SMCHD1: variants seen among roughly 807,000 people sequenced by gnomAD.
SMCHD1 encodes the protein structural maintenance of chromosomes flexible hinge domain containing 1.
In SMCHD1, 78 loss-of-function variants were observed where a neutral mutation model predicts 254.7. That is an observed-to-expected ratio of 0.31 (90% CI 0.26 to 0.37). SMCHD1 has a LOEUF of 0.37. SMCHD1 is among the 10% of genes least tolerant of loss of function. SMCHD1 has a pLI of 1.00. For missense variants in SMCHD1, 1,840 were observed against 2,408.1 expected (o/e 0.76, Z 4.94); for synonymous variants, 766 against 794.9 (o/e 0.96, Z 0.61).
At chr18:2,767,584 CTTTTTTT>C in intron 37 of SMCHD1, among the ~76,000 whole-genome samples, 1 of 89,248 alleles carries the variant, frequency 1.1e-5, no homozygotes, top group South Asian at 4.1e-4. Flanking sequence ...AACCTATTTC[CTTTTTTT>C]TTTTTTTTTT....
At chr18:2,781,441 G>A (rs1217075762) in intron 44 of SMCHD1, among the ~76,000 whole-genome samples, 1 of 152,120 alleles carries the variant, frequency 6.6e-6, no homozygotes, top group African/African-American at 2.4e-5. Flanking sequence ...ATACCTGATT[G>A]AAGCAAATAA....
At chr18:2,761,210 T>C (rs542856756) in intron 35 of SMCHD1, among the ~76,000 whole-genome samples, 18 of 152,210 alleles carry the variant, frequency 1.2e-4, no homozygotes, top group African/African-American at 4.1e-4. Context: ...GAGCTAAACA[T>C]TGGGTACACA....
At chr18:2,708,857 T>C (rs2074583057) in intron 17 of SMCHD1, among the ~76,000 whole-genome samples, 1 of 108,650 alleles carries the variant, frequency 9.2e-6, no homozygotes, top group Admixed American at 1.1e-4. Flanking sequence ...GCTTCTATTT[T>C]CAATAACTTC....
chr18:2,722,527 C>T lies in SMCHD1; in HGVS notation c.2467C>T (p.Pro823Ser). The change falls in exon 20 of 48, where the codon CCA (proline) becomes TCA (serine). Residue 823 changes from proline to serine, a missense_variant. By Grantham distance (74) the Pro-to-Ser change is moderately conservative (BLOSUM62 -1). Transcript: ENST00000320876. ...TTTTGTTTTTGTTAAAGAGGGTAAG[C>T]CAGAGAAATTTTCATTTGGTCTTCT... ...AIKFSVKEGK[P>S]EKFSFGLLDL... The T allele has an allele frequency of 6.2e-7, 1 of 1,611,628 alleles. No individual in the cohort carries two copies. The highest frequency in any genetic ancestry group is 1.1e-5 in the South Asian group (1 of 90,470).
rs1309915482 is a variant in SMCHD1 at position 2,678,298 on chromosome 18, T to C, written c.638+4153T>C. 3.5e-3 allele frequency among the ~76,000 whole-genome samples: 507 copies of C among 144,738 alleles called. 3 individuals are homozygous for C. Among genetic ancestry groups the C allele is most frequent in the African/African-American group, 0.012 (488 of 40,064 alleles). 95.0% of individuals were successfully genotyped at this position (144,738 alleles called of 152,430 possible). On this transcript the variant is annotated intron_variant, in intron 5 of 47. Coordinates refer to ENST00000320876, the MANE Select transcript of SMCHD1 (RefSeq NM_015295.3). ...CCCTCTCTCTCTTTCTTTCTTTCTTTCTTCCTTTTTTTTTTTTTTGAGACA... is the reference window on the plus strand; with the variant it reads ...CCCTCTCTCTCTTTCTTTCTTTCTTCCTTCCTTTTTTTTTTTTTTGAGACA...
Position 2,729,594 on chromosome 18 carries a change from A to G in SMCHD1, c.3048+185A>G, listed in dbSNP as rs560855806. 3.3e-5 allele frequency among the ~76,000 whole-genome samples: 5 copies of G among 152,336 alleles called. No individual in the cohort carries two copies. In the South Asian group the frequency reaches 1.0e-3, roughly 32 times the overall value. ...TGACTATTTTAACATTTTGTGTCAA[A>G]TATTAGTAATTGTCTTGATTTTTAC... On this transcript the variant is annotated intron_variant, in intron 24 of 47. Coordinates refer to ENST00000320876, the MANE Select transcript of SMCHD1 (RefSeq NM_015295.3).
intron 9 of SMCHD1, among the ~76,000 whole-genome samples, chr18:2,697,452 G>C (rs891290217): frequency 1.1e-4 from 17 of 152,172 alleles, no homozygotes; most frequent in Admixed American, 2.6e-4. Flanking sequence ...TTATATCGTG[G>C]TGACAAGGTT....
At chr18:2,740,269 T>G (rs2143543978) in intron 27 of SMCHD1, among the ~76,000 whole-genome samples, 1 of 152,310 alleles carries the variant, frequency 6.6e-6, no homozygotes, top group East Asian at 1.9e-4. Context: ...GAACTCATCA[T>G]TTTTTATGGC....
Position 2,751,409 on chromosome 18 carries a change from C to G in SMCHD1, c.4281+16C>G. The G allele has an allele frequency of 1.4e-6, 2 of 1,453,938 alleles. No homozygotes were observed. The highest frequency in any genetic ancestry group is 1.9e-6 in the Non-Finnish European group (2 of 1,071,950). 90.1% of individuals were successfully genotyped at this position (1,453,938 alleles called of 1,614,324 possible). On this transcript the variant is annotated intron_variant, in intron 33 of 47. Coordinates refer to ENST00000320876, the MANE Select transcript of SMCHD1 (RefSeq NM_015295.3). ...CCCAGCAAATGTGAGTCATGGGAAGCATTTTTTGAAGTTAAAAATAGTTCT... is the reference window on the plus strand; with the variant it reads ...CCCAGCAAATGTGAGTCATGGGAAGGATTTTTTGAAGTTAAAAATAGTTCT...
At chr18:2,752,753 G>T (rs1351034427) in intron 34 of SMCHD1, 2 of 475,546 alleles carry the variant, frequency 4.2e-6, no homozygotes, top group Non-Finnish European at 7.6e-6. Flanking sequence ...TTTGTAAATT[G>T]TAATTGTATT....
chr18:2,655,813 C>G lies in SMCHD1; in HGVS notation c.-263C>G, dbSNP rs1339027631. On this transcript the variant is annotated 5_prime_UTR_variant, in exon 1 of 48. Coordinates refer to ENST00000320876, the MANE Select transcript of SMCHD1 (RefSeq NM_015295.3). Reference sequence around the variant, plus strand: ...CGCTGGGCCCGGGCCCGGTGAGGAGCGCGCCGCGCGTCCCCTTCTCCTCAG... The same window carrying G: ...CGCTGGGCCCGGGCCCGGTGAGGAGGGCGCCGCGCGTCCCCTTCTCCTCAG... 6.4e-6 allele frequency: 2 copies of G among 313,792 alleles called. No homozygotes were observed. The highest frequency in any genetic ancestry group is 1.2e-5 in the Non-Finnish European group (2 of 172,040). 19.4% of individuals were successfully genotyped at this position (313,792 alleles called of 1,614,324 possible).
At chr18:2,799,365 A>G (rs2076319020) in intron 47 of SMCHD1, among the ~76,000 whole-genome samples, 2 of 152,172 alleles carry the variant, frequency 1.3e-5, no homozygotes, top group South Asian at 2.1e-4. Flanking sequence ...GCTGGTGGCT[A>G]CCGTTTTGGA....
Position 2,673,345 on chromosome 18 carries a change from A to G in SMCHD1, c.489A>G (p.Arg163=), listed in dbSNP as rs772336383. The G allele has an allele frequency of 2.6e-6, 4 of 1,554,800 alleles. No homozygotes were observed. The South Asian group carries it at 4.8e-5, about 19-fold the overall frequency. Residue 163 remains arginine, a synonymous_variant, in exon 4 of 48, where the codon AGA becomes AGG. Coordinates refer to ENST00000320876, the MANE Select transcript of SMCHD1 (RefSeq NM_015295.3). ...LSATSRNIGV[R]RIQIKLLFDE... ...CTACTTCTCGTAACATTGGGGTTAG[A>G]AGAATACAGATCAAATTGGTAAGGA...
At chr18:2,753,214 T>C (rs1393062515) in intron 34 of SMCHD1, 3 of 152,264 alleles carry the variant, frequency 2.0e-5, no homozygotes, top group Admixed American at 6.5e-5. Context: ...GATTTAGTTG[T>C]GCCCATTTTT....
In SMCHD1 at chr18:2,662,180, A is replaced by AAAAT. The variant is rs1555624073; in HGVS notation, c.187-3957_187-3954dup. On this transcript the variant is annotated intron_variant, in intron 1 of 47. Coordinates refer to ENST00000320876, the MANE Select transcript of SMCHD1 (RefSeq NM_015295.3). ...GACTCCGTCTCAAAAAAAAAAAAAT[A>AAAAT]AAATAAATAAATAAATAAATAAAGA... 5.2e-4 allele frequency among the ~76,000 whole-genome samples: 47 copies of AAAAT among 89,862 alleles called. 1 individual carries two copies. The highest frequency in any genetic ancestry group is 8.0e-4 in the Non-Finnish European group (39 of 48,850). The allele number at this position is 89,862 out of a possible 152,430, so 59.0% of individuals were successfully genotyped here. A position where few individuals can be genotyped will look rare whatever the true frequency, so the allele number is the denominator to read the frequency against.
chr18:2,775,900 A>G lies in SMCHD1; in HGVS notation c.5342A>G (p.Lys1781Arg). Residue 1781 changes from lysine to arginine, a missense_variant, in exon 42 of 48, where the codon AAG becomes AGG. This residue lies in a region of SMCHD1 where 114 missense variants were observed against 217.6 expected (regional missense o/e 0.52). Transcript: ENST00000320876. ...QQVLPLDSIY[K>R]KTLPDWKRSL... ...GTGTTGCCCCTTGATTCTATTTACAAGAAGACTCTTCCAGATTGGAAAAGG... is the reference window on the plus strand; with the variant it reads ...GTGTTGCCCCTTGATTCTATTTACAGGAAGACTCTTCCAGATTGGAAAAGG... 1.3e-6 allele frequency: 2 copies of G among 1,599,912 alleles called. No individual in the cohort carries two copies. Among genetic ancestry groups the G allele is most frequent in the East Asian group, 2.3e-5 (1 of 43,878 alleles).
intron 5 of SMCHD1, among the ~76,000 whole-genome samples, chr18:2,685,200 C>A (rs576246960): frequency 3.5e-5 from 5 of 144,176 alleles, no homozygotes; most frequent in African/African-American, 1.3e-4. Flanking sequence ...CCCGGGTTCA[C>A]GCCATTCTCC....
intron 5 of SMCHD1, among the ~76,000 whole-genome samples, chr18:2,685,712 G>A (rs1347812947): frequency 1.3e-5 from 2 of 152,052 alleles, no homozygotes; most frequent in Admixed American, 6.5e-5. Context: ...TACAGTATTT[G>A]TCATTATACA....
intron 1 of SMCHD1, among the ~76,000 whole-genome samples, chr18:2,665,819 A>G (rs183769143): frequency 2.6e-5 from 4 of 152,186 alleles, no homozygotes; most frequent in Admixed American, 2.6e-4. Flanking sequence ...AAATAAGTTG[A>G]TAACTTGTAC....
Sources: gnomAD v4.1 joint callset for allele counts (sites outside exome capture counted in the v4.1 genomes callset) on GRCh38, gnomAD v4.1.1 for gene constraint, gnomAD v4.1.1 regional missense constraint, MANE v1.5 for transcripts, NCBI Gene and HGNC (gene_info 2026-07-23, HGNC 2026-07-21) for gene names.